Variants in ATG10 observed in about 807,000 individuals in gnomAD.
ATG10 encodes autophagy related 10.
A neutral mutation model predicts 32.1 loss-of-function variants in ATG10; 30 were observed. The ratio of observed to expected loss-of-function variants is 0.94; its 90% CI spans 0.70 to 1.27. ATG10 has a LOEUF of 1.27. Among genes scored for constraint, ATG10 ranks in the 50% most tolerant of loss-of-function variants. ATG10 has a pLI of 0.00. For synonymous variants in ATG10, 87 were observed against 91.5 expected (o/e 0.95, Z 0.28); for missense variants, 233 against 262.3 (o/e 0.89, Z 0.77).
intron 2 of ATG10, among the ~76,000 whole-genome samples, chr5:82,029,303 T>A (rs1762679899): frequency 7.0e-6 from 1 of 143,222 alleles, no homozygotes; most frequent in Non-Finnish European, 1.5e-5. Context: ...GGGGATTGAA[T>A]GTAATAATTA....
At chr5:82,040,573 T>A (rs1763054987) in intron 2 of ATG10, among the ~76,000 whole-genome samples, 1 of 152,092 alleles carries the variant, frequency 6.6e-6, no homozygotes, top group African/African-American at 2.4e-5. Flanking sequence ...AAACTTATTT[T>A]AAAAAAATAG....
chr5:82,062,618 C>T (rs1763821303), intron 3 of ATG10, among the ~76,000 whole-genome samples: 2 of 152,108 alleles, frequency 1.3e-5, no homozygotes, highest in Non-Finnish European at 2.9e-5. Flanking sequence ...CAAGAAGAAG[C>T]AGGATGTGAA....
intron 3 of ATG10, among the ~76,000 whole-genome samples, chr5:82,135,480 A>T (rs1581725273): frequency 6.6e-6 from 1 of 152,040 alleles, no homozygotes; most frequent in East Asian, 1.9e-4. Flanking sequence ...AATTTTCGTT[A>T]TTTACCCAGT....
chr5:82,060,900 G>A (rs1763745847), intron 3 of ATG10, among the ~76,000 whole-genome samples: 1 of 152,158 alleles, frequency 6.6e-6, no homozygotes, highest in African/African-American at 2.4e-5. Flanking sequence ...AGATTATGTG[G>A]TATAAACAAT....
At chr5:82,197,812 C>A (rs2149957346) in intron 5 of ATG10, among the ~76,000 whole-genome samples, 1 of 151,904 alleles carries the variant, frequency 6.6e-6, no homozygotes, top group East Asian at 1.9e-4. Flanking sequence ...AAACTAAGTT[C>A]TTTTTACTGT....
At chr5:82,196,455 C>T (rs756701492) in intron 5 of ATG10, among the ~76,000 whole-genome samples, 14 of 152,028 alleles carry the variant, frequency 9.2e-5, no homozygotes, top group South Asian at 2.1e-4. Flanking sequence ...AAAACTGTTA[C>T]GTATCCTAAG....
Position 81,991,318 on chromosome 5 carries a change from A to AT in ATG10, c.108+3649dup, listed in dbSNP as rs985866405. Among the ~76,000 whole-genome samples, 7 of 151,626 alleles carry AT rather than the reference A, an allele frequency of 4.6e-5. No homozygotes were observed. In the South Asian group the frequency reaches 6.3e-4, roughly 14 times the overall value. On this transcript the variant is annotated intron_variant, in intron 2 of 7. Coordinates refer to ENST00000282185, the MANE Select transcript of ATG10 (RefSeq NM_031482.5). ...TTTGCTTTTCAGGCCTCAGAAATTT[A>AT]TTTTTTTTTAAATTGTTGTATTGAT...
At chr5:82,224,571 T>C (rs1405393373) in intron 5 of ATG10, among the ~76,000 whole-genome samples, 1 of 152,094 alleles carries the variant, frequency 6.6e-6, no homozygotes, top group African/African-American at 2.4e-5. Flanking sequence ...ATAGAGGCTC[T>C]AAAACAAAGG....
At chr5:82,152,081 C>T (rs1415938516) in intron 3 of ATG10, among the ~76,000 whole-genome samples, 1 of 152,192 alleles carries the variant, frequency 6.6e-6, no homozygotes, top group African/African-American at 2.4e-5. Context: ...AAATTGCTCT[C>T]ATCAAAATAC....
At chr5:82,053,404 A>G (rs1347531153) in intron 2 of ATG10, among the ~76,000 whole-genome samples, 1 of 152,080 alleles carries the variant, frequency 6.6e-6, no homozygotes, top group African/African-American at 2.4e-5. Context: ...GTTCTTTTCT[A>G]TGATATGAGC....
chr5:82,022,600 G>C (rs1478589009), intron 2 of ATG10, among the ~76,000 whole-genome samples: 1 of 150,870 alleles, frequency 6.6e-6, no homozygotes, highest in Non-Finnish European at 1.5e-5. Flanking sequence ...TGGGATTACA[G>C]GTGTGAATCA....
chr5:82,019,091 A>G (rs1020651894), intron 2 of ATG10, among the ~76,000 whole-genome samples: 18 of 152,320 alleles, frequency 1.2e-4, no homozygotes, highest in African/African-American at 4.3e-4. Flanking sequence ...TTCCAGAAAA[A>G]AATAAAATTC....
rs550774442 is a variant in ATG10, at chr5:81,983,678, C to T, written c.-12-3881C>T. ...CCTCCCTCCCGGACGGGGTGGCTGC[C>T]GGGCGGAGACGCTCCTCACTTCCCA... On this transcript the variant is annotated intron_variant, in intron 1 of 7. Coordinates refer to ENST00000282185, the MANE Select transcript of ATG10 (RefSeq NM_031482.5). 7.3e-3 allele frequency among the ~76,000 whole-genome samples: 1,100 copies of T among 151,596 alleles called. 8 individuals are homozygous for T. The highest frequency in any genetic ancestry group is 0.025 in the African/African-American group (1,039 of 41,310).
intron 5 of ATG10, among the ~76,000 whole-genome samples, chr5:82,197,720 T>TTCTTTCTTTCTTTCTA (rs754765531): frequency 3.5e-5 from 5 of 143,830 alleles, no homozygotes; most frequent in African/African-American, 1.3e-4. Flanking sequence ...CTTTCTTTCT[T>TTCTTTCTTTCTTTCTA]TCTATCTATC....
chr5:82,084,979 C>A lies in ATG10; in HGVS notation c.216+26377C>A, dbSNP rs545010908. Among the ~76,000 whole-genome samples, 24 of 152,196 alleles carry A rather than the reference C, an allele frequency of 1.6e-4. No individual in the cohort carries two copies. In the South Asian group the frequency reaches 4.6e-3, roughly 29 times the overall value. ...ATGACAGGATCAAATTCACACAGAACAATATTAACCTTAAATGTAAATGGG... is the reference window on the plus strand; with the variant it reads ...ATGACAGGATCAAATTCACACAGAAAAATATTAACCTTAAATGTAAATGGG... On this transcript the variant is annotated intron_variant, in intron 3 of 7. Coordinates refer to ENST00000282185, the MANE Select transcript of ATG10 (RefSeq NM_031482.5).
chr5:82,108,759 G>GA lies in ATG10; in HGVS notation c.216+50162dup, dbSNP rs535672987. ...GTATAAAATATTTAAACACAAGGCA[G>GA]AAAAAGGAGTTGAAGATAGCTCTCA... On this transcript the variant is annotated intron_variant, in intron 3 of 7. Transcript: ENST00000282185. Among the ~76,000 whole-genome samples the GA allele has an allele frequency of 1.7e-4, 26 of 152,082 alleles. No individual in the cohort carries two copies. The South Asian group carries it at 5.4e-3, about 32-fold the overall frequency.
chr5:82,206,562 A>C (rs1205145722), intron 5 of ATG10, among the ~76,000 whole-genome samples: 1 of 151,860 alleles, frequency 6.6e-6, no homozygotes, highest in East Asian at 1.9e-4. Flanking sequence ...AGGCAGGAGA[A>C]TCACTTGAAC....
At chr5:82,250,222 TC>T (rs1357155226) in intron 5 of ATG10, among the ~76,000 whole-genome samples, 1 of 152,156 alleles carries the variant, frequency 6.6e-6, no homozygotes, top group Non-Finnish European at 1.5e-5. Context: ...TATGCTCATT[TC>T]CCCCATAGGG....
At chr5:82,232,360 A>T (rs1380898786) in intron 5 of ATG10, among the ~76,000 whole-genome samples, 1 of 152,234 alleles carries the variant, frequency 6.6e-6, no homozygotes, top group African/African-American at 2.4e-5. Flanking sequence ...TTCTGTATTT[A>T]GTCTTAGCAG....
Sources: allele counts gnomAD v4.1 joint callset (sites outside exome capture counted in the v4.1 genomes callset), GRCh38; gene constraint gnomAD v4.1.1; transcripts MANE v1.5; gene names NCBI Gene and HGNC (gene_info 2026-07-23, HGNC 2026-07-21).